Variants in RIT2 observed in about 807,000 individuals in gnomAD.
RIT2 encodes GTP-binding protein Rit2.
In RIT2, 24 loss-of-function variants were observed where a neutral mutation model predicts 23.7. The observed-to-expected ratio is 1.01, with a 90% CI of 0.73 to 1.43. The LOEUF (loss-of-function observed/expected upper bound fraction) is 1.43, where lower values mean the gene tolerates loss of function less well. RIT2 is among the 40% of genes most tolerant of loss of function. The probability of loss-of-function intolerance (pLI) is 0.00; values close to 1 mark genes in which losing one functional copy is unlikely to be tolerated. For synonymous variants in RIT2, 107 were observed against 91.1 expected, an observed-to-expected ratio of 1.17 and a Z score of -0.99; for missense variants, 236 against 266.9, an observed-to-expected ratio of 0.88 and a Z score of 0.81.
chr18:42,791,372 G>A (rs1392582333), intron 4 of RIT2, among the ~76,000 whole-genome samples: 2 of 152,108 alleles, frequency 1.3e-5, no homozygotes, highest in African/African-American at 2.4e-5. Flanking sequence ...TACTCTGTAC[G>A]TGACTGGGTA....
intron 4 of RIT2, among the ~76,000 whole-genome samples, chr18:42,887,163 C>T (rs993602282): frequency 3.3e-5 from 5 of 151,888 alleles, no homozygotes; most frequent in Admixed American, 6.6e-5. Context: ...AGATATTAGG[C>T]TAAATAAAAG....
chr18:43,079,858 T>A (rs577136442), intron 1 of RIT2, among the ~76,000 whole-genome samples: 1 of 152,174 alleles, frequency 6.6e-6, no homozygotes, highest in South Asian at 2.1e-4. Context: ...AATTTCAAAT[T>A]TGAATATGAA....
chr18:42,887,185 T>C (rs1027749037), intron 4 of RIT2, among the ~76,000 whole-genome samples: 2 of 152,056 alleles, frequency 1.3e-5, no homozygotes, highest in Non-Finnish European at 2.9e-5. Context: ...ACCCAAGACT[T>C]TACAGGCCAA....
At chr18:42,799,765 A>T (rs1246060729) in intron 4 of RIT2, among the ~76,000 whole-genome samples, 1 of 152,126 alleles carries the variant, frequency 6.6e-6, no homozygotes, top group Non-Finnish European at 1.5e-5. Context: ...CTCATTTGCA[A>T]TGAGCAACAT....
intron 4 of RIT2, among the ~76,000 whole-genome samples, chr18:42,822,570 G>A (rs533078498): frequency 1.3e-5 from 2 of 152,200 alleles, no homozygotes; most frequent in South Asian, 4.1e-4. Context: ...TGGCACACGG[G>A]TTGAAAGCAC....
At chr18:43,066,776 A>G (rs1199816417) in intron 1 of RIT2, among the ~76,000 whole-genome samples, 1 of 151,924 alleles carries the variant, frequency 6.6e-6, no homozygotes, top group Non-Finnish European at 1.5e-5. Flanking sequence ...GTATTTGAGC[A>G]TGTGTTTGGA....
intron 3 of RIT2, among the ~76,000 whole-genome samples, chr18:42,925,500 A>T (rs926566137): frequency 3.9e-5 from 6 of 151,980 alleles, no homozygotes; most frequent in Non-Finnish European, 8.8e-5. Context: ...ACAATAATAA[A>T]AATGCAAGCT....
chr18:42,772,585 T>G (rs2143917218), intron 4 of RIT2, among the ~76,000 whole-genome samples: 1 of 152,290 alleles, frequency 6.6e-6, no homozygotes, highest in Middle Eastern at 3.4e-3. Flanking sequence ...TACTAAAACC[T>G]CTGTAATTTC....
intron 1 of RIT2, among the ~76,000 whole-genome samples, chr18:43,108,973 G>T (rs1247021317): frequency 6.6e-6 from 1 of 152,178 alleles, no homozygotes; most frequent in Non-Finnish European, 1.5e-5. Flanking sequence ...CAGACTCAAA[G>T]TTCTGCTAAT....
chr18:43,103,139 T>C (rs1020435242), intron 1 of RIT2, among the ~76,000 whole-genome samples: 1 of 152,156 alleles, frequency 6.6e-6, no homozygotes, highest in African/African-American at 2.4e-5. Flanking sequence ...AGCCACACCC[T>C]TACCCTATAC....
chr18:42,879,387 C>T (rs932994329), intron 4 of RIT2, among the ~76,000 whole-genome samples: 2 of 152,104 alleles, frequency 1.3e-5, no homozygotes, highest in African/African-American at 4.8e-5. Context: ...ACTAAGTGAG[C>T]TGGGTATGAA....
chr18:42,984,761 G>T (rs1361476180), intron 2 of RIT2, among the ~76,000 whole-genome samples: 2 of 151,936 alleles, frequency 1.3e-5, no homozygotes, highest in African/African-American at 4.8e-5. Flanking sequence ...AGAAAACTGG[G>T]CATAGAAAGC....
At chr18:43,045,738 G>A (rs938670140) in intron 1 of RIT2, among the ~76,000 whole-genome samples, 3 of 151,966 alleles carry the variant, frequency 2.0e-5, no homozygotes, top group Non-Finnish European at 4.4e-5. Flanking sequence ...TTTACCTCCT[G>A]CCTGGAACTT....
intron 4 of RIT2, among the ~76,000 whole-genome samples, chr18:42,887,051 A>C (rs1908041209): frequency 6.6e-6 from 1 of 152,182 alleles, no homozygotes. Flanking sequence ...GTAACAAAAT[A>C]AAATATTTGT....
intron 4 of RIT2, among the ~76,000 whole-genome samples, chr18:42,753,369 A>T (rs540350041): frequency 1.3e-5 from 2 of 152,188 alleles, no homozygotes; most frequent in Non-Finnish European, 2.9e-5. Flanking sequence ...GCAACACAAA[A>T]GGAAACTCTG....
chr18:42,933,618 A>T (rs1345189610), intron 3 of RIT2, among the ~76,000 whole-genome samples: 1 of 152,088 alleles, frequency 6.6e-6, no homozygotes, highest in Non-Finnish European at 1.5e-5. Context: ...CTTTTTGCTC[A>T]TTCTTCTCCT....
intron 1 of RIT2, among the ~76,000 whole-genome samples, chr18:43,106,059 T>G (rs1190298567): frequency 6.6e-6 from 1 of 152,212 alleles, no homozygotes; most frequent in Non-Finnish European, 1.5e-5. Flanking sequence ...CTTCAAGCTT[T>G]ATTGTTCTCA....
At chr18:43,040,290 C>T (rs186768265) in intron 1 of RIT2, among the ~76,000 whole-genome samples, 1 of 152,190 alleles carries the variant, frequency 6.6e-6, no homozygotes, top group East Asian at 1.9e-4. Context: ...AAATAGGTGC[C>T]CTGGCATAAG....
chr18:42,854,875 A>G (rs1258614595), intron 4 of RIT2, among the ~76,000 whole-genome samples: 1 of 152,182 alleles, frequency 6.6e-6, no homozygotes, highest in African/African-American at 2.4e-5. Flanking sequence ...GACCCAACTT[A>G]AAATCACACA....
Sources: gnomAD v4.1 joint callset for allele counts (sites outside exome capture counted in the v4.1 genomes callset) on GRCh38, gnomAD v4.1.1 for gene constraint, MANE v1.5 for transcripts, NCBI Gene and HGNC (gene_info 2026-07-23, HGNC 2026-07-21) for gene names.